The following ZFHX3 variants were observed in gnomAD, a reference collection of about 807,000 sequenced individuals.
ZFHX3 encodes the protein zinc finger homeobox protein 3.
Under a neutral mutation model 279.1 loss-of-function variants are expected in ZFHX3, and 42 were observed. The ratio of observed to expected loss-of-function variants is 0.15; its 90% CI spans 0.12 to 0.19. The LOEUF (loss-of-function observed/expected upper bound fraction) is 0.19. Among genes scored for constraint, ZFHX3 ranks in the 10% least tolerant of loss-of-function variants. The pLI is 1.00. For synonymous variants in ZFHX3, 2,293 were observed against 1,957.8 expected (o/e 1.17, Z -4.52); for missense variants, 4,981 against 4,754.0 (o/e 1.05, Z -1.40).
intron 1 of ZFHX3, among the ~76,000 whole-genome samples, chr16:73,704,545 C>T (rs16972339): frequency 0.018 from 2,754 of 152,266 alleles, 85 homozygotes; most frequent in African/African-American, 0.064. Flanking sequence ...GACACTGCTA[C>T]CAATGGGCTC....
intron 2 of ZFHX3, among the ~76,000 whole-genome samples, chr16:73,581,042 T>G (rs2051855970): frequency 6.6e-6 from 1 of 151,850 alleles, no homozygotes; most frequent in Admixed American, 6.6e-5. Context: ...TACTTTGGGG[T>G]TGCCATTATT....
chr16:73,866,245 T>C (rs1326145014), intron 1 of ZFHX3, among the ~76,000 whole-genome samples: 1 of 142,392 alleles, frequency 7.0e-6, no homozygotes, highest in Non-Finnish European at 1.5e-5. Flanking sequence ...AGTGGTACGA[T>C]CTCGGCTCAT....
At chr16:73,794,807 G>C (rs1427964803) in intron 1 of ZFHX3, among the ~76,000 whole-genome samples, 3 of 152,138 alleles carry the variant, frequency 2.0e-5, no homozygotes, top group Non-Finnish European at 4.4e-5. Flanking sequence ...ATATTACATA[G>C]AAATCTCTGT....
chr16:73,582,181 G>C (rs1487903515), intron 2 of ZFHX3, among the ~76,000 whole-genome samples: 4 of 151,872 alleles, frequency 2.6e-5, no homozygotes, highest in African/African-American at 4.9e-5. Flanking sequence ...GGAGAAGTCA[G>C]AGTGAGAAAA....
intron 1 of ZFHX3, among the ~76,000 whole-genome samples, chr16:73,801,001 A>T (rs1960130591): frequency 6.6e-6 from 1 of 152,154 alleles, no homozygotes; most frequent in Non-Finnish European, 1.5e-5. Context: ...GAGTGCAATA[A>T]CTATAACCTC....
chr16:73,758,725 T>C (rs531888099), intron 1 of ZFHX3, among the ~76,000 whole-genome samples: 2 of 152,252 alleles, frequency 1.3e-5, no homozygotes, highest in African/African-American at 4.8e-5. Context: ...CTGTAGGGAG[T>C]CCTCTGCTCT....
chr16:73,282,202 CT>C (rs2143065660), intron 4 of ZFHX3, among the ~76,000 whole-genome samples: 1 of 152,306 alleles, frequency 6.6e-6, no homozygotes, highest in Non-Finnish European at 1.5e-5. Flanking sequence ...CGTTTACCCC[CT>C]TTTCCATCAG....
intron 5 of ZFHX3, among the ~76,000 whole-genome samples, chr16:73,241,790 C>CAAAAAAAAAAAAAAAAAAAAAAA (rs60214410): frequency 1.9e-5 from 1 of 51,288 alleles, no homozygotes; most frequent in Non-Finnish European, 3.4e-5. Context: ...AACTCCGTCT[C>CAAAAAAAAAAAAAAAAAAAAAAA]AAAAAAAAAA....
intron 1 of ZFHX3, among the ~76,000 whole-genome samples, chr16:73,722,552 T>G (rs996828716): frequency 6.6e-6 from 1 of 152,220 alleles, no homozygotes. Flanking sequence ...GGCAGCGTAC[T>G]CTATGAAATA....
intron 2 of ZFHX3, among the ~76,000 whole-genome samples, chr16:73,621,117 A>G (rs1011604060): frequency 6.6e-6 from 1 of 152,212 alleles, no homozygotes; most frequent in Non-Finnish European, 1.5e-5. Context: ...TTGGGGAGGA[A>G]GTTAGAAAGG....
intron 1 of ZFHX3, among the ~76,000 whole-genome samples, chr16:73,871,607 T>C (rs993763609): frequency 6.6e-6 from 1 of 152,058 alleles, no homozygotes; most frequent in Non-Finnish European, 1.5e-5. Context: ...CATAATTTGC[T>C]AATGGTGAAA....
At chr16:73,748,838 A>G (rs1250876450) in intron 1 of ZFHX3, among the ~76,000 whole-genome samples, 1 of 151,964 alleles carries the variant, frequency 6.6e-6, no homozygotes, top group Non-Finnish European at 1.5e-5. Flanking sequence ...CCCAGGCTGG[A>G]GTGCAATGGC....
intron 2 of ZFHX3, among the ~76,000 whole-genome samples, chr16:73,621,427 G>C (rs1212140118): frequency 6.6e-6 from 1 of 152,152 alleles, no homozygotes; most frequent in African/African-American, 2.4e-5. Flanking sequence ...GCAAAATAGA[G>C]GTTTAATTAA....
chr16:73,788,854 G>C (rs1959739515), intron 1 of ZFHX3, among the ~76,000 whole-genome samples: 1 of 151,552 alleles, frequency 6.6e-6, no homozygotes, highest in South Asian at 2.1e-4. Flanking sequence ...CGTGCCTGTA[G>C]TCCCAGCTAC....
At chr16:73,865,120 G>A (rs536874264) in intron 1 of ZFHX3, among the ~76,000 whole-genome samples, 9 of 152,336 alleles carry the variant, frequency 5.9e-5, no homozygotes, top group Admixed American at 2.6e-4. Context: ...TCACAGCTGA[G>A]GTCCCAGAAA....
At chr16:73,865,109 G>A (rs1302271122) in intron 1 of ZFHX3, among the ~76,000 whole-genome samples, 2 of 152,208 alleles carry the variant, frequency 1.3e-5, no homozygotes, top group African/African-American at 4.8e-5. Flanking sequence ...CATCACAGCT[G>A]TCACAGCTGA....
intron 4 of ZFHX3, among the ~76,000 whole-genome samples, chr16:72,843,191 G>A (rs752831070): frequency 1.6e-4 from 24 of 152,002 alleles, no homozygotes; most frequent in Non-Finnish European, 3.1e-4. Flanking sequence ...AGGAGACCAG[G>A]GATTGGAGCA....
chr16:73,143,674 G>T, intron 6 of ZFHX3: 1 of 1,056,848 alleles, frequency 9.5e-7, no homozygotes, highest in Non-Finnish European at 1.3e-6. Flanking sequence ...TTGTCTGGCT[G>T]GTTAGTCTTT....
chr16:72,992,142 T>C (rs1176190081), intron 1 of ZFHX3, among the ~76,000 whole-genome samples: 1 of 152,168 alleles, frequency 6.6e-6, no homozygotes, highest in Non-Finnish European at 1.5e-5. Context: ...CCACAGGTCC[T>C]AGTTTCTTCT....
Sources: gnomAD v4.1 joint callset for allele counts (sites outside exome capture counted in the v4.1 genomes callset) on GRCh38, gnomAD v4.1.1 for gene constraint, MANE v1.5 for transcripts, NCBI Gene and HGNC (gene_info 2026-07-23, HGNC 2026-07-21) for gene names.